MDGA2: variants seen among roughly 807,000 people sequenced by gnomAD.
The protein encoded by MDGA2 is MAM domain containing glycosylphosphatidylinositol anchor 2, also known as MAM domain-containing glycosylphosphatidylinositol anchor protein 2.
A neutral mutation model predicts 117.8 loss-of-function variants in MDGA2; 40 were observed. The ratio of observed to expected loss-of-function variants is 0.34; its 90% CI spans 0.26 to 0.44. The LOEUF is 0.44. Ranked by LOEUF, MDGA2 falls within the 20% of genes least tolerant of loss-of-function variation. The probability of loss-of-function intolerance (pLI) is 1.00; values close to 1 mark genes in which losing one functional copy is unlikely to be tolerated. For synonymous variants in MDGA2, 452 were observed against 439.0 expected (o/e 1.03, Z -0.37); for missense variants, 1,123 against 1,250.6 (o/e 0.90, Z 1.54).
At chr14:47,439,303 A>G (rs1420306199) in intron 1 of MDGA2, among the ~76,000 whole-genome samples, 2 of 152,100 alleles carry the variant, frequency 1.3e-5, no homozygotes. Context: ...ATGTGTGTAT[A>G]TGTAAGATAT....
intron 2 of MDGA2, among the ~76,000 whole-genome samples, chr14:47,284,866 T>G (rs1888619611): frequency 1.3e-5 from 2 of 152,148 alleles, no homozygotes; most frequent in Non-Finnish European, 1.5e-5. Flanking sequence ...AGCTACTGAC[T>G]TAGCTTATCG....
intron 3 of MDGA2, among the ~76,000 whole-genome samples, chr14:47,175,299 T>C (rs959360376): frequency 1.3e-5 from 2 of 151,888 alleles, no homozygotes; most frequent in East Asian, 1.9e-4. Context: ...ACTCATTTTA[T>C]GAGGCCAGCA....
At chr14:47,455,196 T>C (rs1893322883) in intron 1 of MDGA2, among the ~76,000 whole-genome samples, 1 of 152,158 alleles carries the variant, frequency 6.6e-6, no homozygotes, top group Non-Finnish European at 1.5e-5. Context: ...TATGGATATA[T>C]ATTATCTAGT....
chr14:47,230,795 T>C (rs1338238334), intron 2 of MDGA2, among the ~76,000 whole-genome samples: 1 of 151,880 alleles, frequency 6.6e-6, no homozygotes, highest in Non-Finnish European at 1.5e-5. Flanking sequence ...AACTGAGGCA[T>C]AAGAAACAAT....
chr14:47,446,636 A>G (rs10149027), intron 1 of MDGA2, among the ~76,000 whole-genome samples: 58,343 of 151,818 alleles, frequency 0.38, 11,300 homozygotes, highest in South Asian at 0.56. Context: ...TGCAAGACTG[A>G]AGTTTACATA....
intron 1 of MDGA2, among the ~76,000 whole-genome samples, chr14:47,391,061 C>A (rs1891883055): frequency 6.6e-6 from 1 of 152,112 alleles, no homozygotes; most frequent in African/African-American, 2.4e-5. Flanking sequence ...TGATGCTATG[C>A]TTTTAAGGTG....
intron 4 of MDGA2, among the ~76,000 whole-genome samples, chr14:47,136,494 C>A (rs576914161): frequency 6.6e-6 from 1 of 152,172 alleles, no homozygotes; most frequent in South Asian, 2.1e-4. Context: ...ACTGCACCAG[C>A]CTCAATATGA....
intron 1 of MDGA2, among the ~76,000 whole-genome samples, chr14:47,419,385 T>A (rs1260055619): frequency 1.3e-5 from 2 of 152,084 alleles, no homozygotes; most frequent in Non-Finnish European, 2.9e-5. Flanking sequence ...GATTGACCCA[T>A]GAGAAGTCAT....
chr14:47,549,343 A>ATCTCTCTCTCTCTC (rs3039661), intron 1 of MDGA2, among the ~76,000 whole-genome samples: 17,035 of 139,888 alleles, frequency 0.12, 1,239 homozygotes, highest in East Asian at 0.25. Flanking sequence ...CACCAGTATT[A>ATCTCTCTCTCTCTC]TCTCTCTCTC....
chr14:47,423,556 CTG>C (rs34672294), intron 1 of MDGA2, among the ~76,000 whole-genome samples: 7 of 150,358 alleles, frequency 4.7e-5, no homozygotes, highest in African/African-American at 1.2e-4. Context: ...ATCCCCACGC[CTG>C]TGTGTGTGTG....
rs1449335684 is a variant in MDGA2 at position 46,884,699 on chromosome 14, G to GA, written c.2239-2479dup. Among the ~76,000 whole-genome samples, 8 of 151,916 alleles carry GA rather than the reference G, an allele frequency of 5.3e-5. No individual in the cohort carries two copies. The highest frequency in any genetic ancestry group is 2.0e-4 in the Admixed American group (3 of 15,250). On this transcript the variant is annotated intron_variant, in intron 10 of 16. Transcript: ENST00000399232. The surrounding 1 kb of genome is among the most constrained non-coding windows in gnomAD (Gnocchi z 4.1). ...TACCATTCAATTGGTTATGCATATG[G>GA]AAAAAAACCACTTGAATTGGAACCT...
At chr14:47,105,567 C>T (rs1249947845) in intron 5 of MDGA2, among the ~76,000 whole-genome samples, 1 of 152,068 alleles carries the variant, frequency 6.6e-6, no homozygotes, top group Non-Finnish European at 1.5e-5. Context: ...CCAATACAAA[C>T]TCGACAGTAG....
chr14:47,006,917 C>T (rs1414384459), intron 8 of MDGA2, among the ~76,000 whole-genome samples: 1 of 151,578 alleles, frequency 6.6e-6, no homozygotes, highest in East Asian at 1.9e-4. Context: ...TATTATTGTC[C>T]TGGAGCAGGC....
In MDGA2 at chr14:47,175,154, T is replaced by C. The variant is rs551643582; in HGVS notation, c.596-30880A>G. 9.0e-3 allele frequency among the ~76,000 whole-genome samples: 1,356 copies of C among 151,496 alleles called. 27 individuals are homozygous for C. The highest frequency in any genetic ancestry group is 0.032 in the African/African-American group (1,303 of 41,050). ...ACAGGCTCTGAAATTGTGGCAATAA[T>C]CAATAGCTTACCAACCAAAAAGAGT... On this transcript the variant is annotated intron_variant, in intron 3 of 16. Transcript: ENST00000399232.
chr14:47,322,216 A>T (rs1890001431), intron 1 of MDGA2, among the ~76,000 whole-genome samples: 1 of 152,194 alleles, frequency 6.6e-6, no homozygotes, highest in Non-Finnish European at 1.5e-5. Context: ...TACATTTTTA[A>T]ACCTTAGCAG....
At chr14:46,914,078 A>C (rs1883810646) in intron 10 of MDGA2, among the ~76,000 whole-genome samples, 1 of 152,172 alleles carries the variant, frequency 6.6e-6, no homozygotes, top group Non-Finnish European at 1.5e-5. Context: ...AAACTGTATA[A>C]AATTGTGTAT....
intron 1 of MDGA2, among the ~76,000 whole-genome samples, chr14:47,438,694 C>G (rs1463295043): frequency 6.6e-6 from 1 of 152,106 alleles, no homozygotes; most frequent in African/African-American, 2.4e-5. Context: ...AAAAGAAGAA[C>G]CAGACCAATT....
At chr14:47,559,207 C>T (rs1010987388) in intron 1 of MDGA2, among the ~76,000 whole-genome samples, 4 of 152,124 alleles carry the variant, frequency 2.6e-5, no homozygotes, top group Admixed American at 6.5e-5. Context: ...GCATAGTACA[C>T]GGCAGACAGT....
At chr14:46,981,738 C>A (rs1015369702) in intron 8 of MDGA2, among the ~76,000 whole-genome samples, 1 of 152,094 alleles carries the variant, frequency 6.6e-6, no homozygotes, top group Non-Finnish European at 1.5e-5. Flanking sequence ...TTTGATCACA[C>A]AGAGAGAAAG....
Sources: gnomAD v4.1 joint callset for allele counts (sites outside exome capture counted in the v4.1 genomes callset) on GRCh38, gnomAD v4.1.1 for gene constraint, Gnocchi (gnomAD v3.1) non-coding constraint, MANE v1.5 for transcripts, NCBI Gene and HGNC (gene_info 2026-07-23, HGNC 2026-07-21) for gene names.